The following WDR12 variants were observed in gnomAD, a reference collection of about 807,000 sequenced individuals.
WDR12 encodes ribosome biogenesis protein WDR12.
In WDR12, 42 loss-of-function variants were observed where a neutral mutation model predicts 64.3. The observed-to-expected ratio is 0.65, with a 90% CI of 0.51 to 0.84. The LOEUF (loss-of-function observed/expected upper bound fraction) is 0.84. WDR12 is among the 40% of genes least tolerant of loss of function. The pLI is 0.00. For missense variants in WDR12, 469 were observed against 494.6 expected, an observed-to-expected ratio of 0.95 and a Z score of 0.49; for synonymous variants, 158 against 173.3, an observed-to-expected ratio of 0.91 and a Z score of 0.70.
intron 2 of WDR12, among the ~76,000 whole-genome samples, chr2:202,903,445 AT>A (rs1688387067): frequency 9.0e-6 from 1 of 111,546 alleles, no homozygotes; most frequent in African/African-American, 3.2e-5. Flanking sequence ...GAGCAATCAG[AT>A]GGAAGGAAGG....
chr2:202,909,402 A>T (rs1434424116), intron 1 of WDR12, among the ~76,000 whole-genome samples: 1 of 152,208 alleles, frequency 6.6e-6, no homozygotes, highest in African/African-American at 2.4e-5. Context: ...ACCATTTTTT[A>T]AAAATCATAG....
At chr2:202,890,508 G>A (rs1047202969) in intron 8 of WDR12, among the ~76,000 whole-genome samples, 16 of 152,214 alleles carry the variant, frequency 1.1e-4, no homozygotes, top group African/African-American at 3.4e-4. Flanking sequence ...GGTGGCTCAC[G>A]CCTGTAATCC....
At chr2:202,887,209 C>G (rs116382857) in intron 8 of WDR12, among the ~76,000 whole-genome samples, 13,529 of 152,056 alleles carry the variant, frequency 0.089, 740 homozygotes, top group Non-Finnish European at 0.12. Context: ...ATTTTTAGTA[C>G]AGACGGGGTT....
intron 12 of WDR12, among the ~76,000 whole-genome samples, chr2:202,881,829 G>T (rs935106856): frequency 6.6e-6 from 1 of 151,742 alleles, no homozygotes; most frequent in Non-Finnish European, 1.5e-5. Flanking sequence ...ATTCCAGCCT[G>T]GGCAATAAAG....
intron 2 of WDR12, among the ~76,000 whole-genome samples, chr2:202,907,433 T>C (rs1212403625): frequency 1.3e-5 from 2 of 152,198 alleles, no homozygotes; most frequent in Admixed American, 6.5e-5. Flanking sequence ...CTGGTATTCA[T>C]ACTGTCATTT....
intron 12 of WDR12, 94 bp from the exon 13 acceptor site, chr2:202,881,031 T>A: frequency 8.8e-7 from 1 of 1,141,984 alleles, no homozygotes; most frequent in African/African-American, 1.6e-5. Flanking sequence ...TGATTTTCAT[T>A]ACAAAAGGAA....
At chr2:202,882,145 G>C (rs536442089) in intron 12 of WDR12, among the ~76,000 whole-genome samples, 21 of 152,092 alleles carry the variant, frequency 1.4e-4, no homozygotes, top group Non-Finnish European at 2.2e-4. Flanking sequence ...GCCTAGGCTG[G>C]TTTTGAACTC....
In WDR12 at chr2:202,907,443, T is replaced by C. The variant is rs187343415; in HGVS notation, c.136+422A>G. On this transcript the variant is annotated intron_variant, in intron 2 of 12. Transcript: ENST00000261015. ...AAATACTGGTATTCATACTGTCATT[T>C]TGATATTACACTAAACACTCAAATA... Among the ~76,000 whole-genome samples the C allele has an allele frequency of 4.3e-3, 655 of 152,360 alleles. 3 individuals carry two copies. The highest frequency in any genetic ancestry group is 6.9e-3 in the Non-Finnish European group (468 of 68,036).
Position 202,911,639 on chromosome 2 carries a change from T to C in WDR12, c.-163A>G, listed in dbSNP as rs1688663186. 2.9e-6 allele frequency: 2 copies of C among 679,152 alleles called. No individual in the cohort carries two copies. Among genetic ancestry groups the C allele is most frequent in the Non-Finnish European group, 5.3e-6 (2 of 376,762 alleles). 42.1% of individuals were successfully genotyped at this position (679,152 alleles called of 1,614,324 possible). A position where few individuals can be genotyped will look rare whatever the true frequency, so the allele number is the denominator to read the frequency against. The stretch of plus-strand genomic sequence containing the variant: ...CTGGACTCTGCCTTCTGCCCTCCGG[T>C]CTCCTCTGCAGAAAGCACGAGGTTG... On this transcript the variant is annotated 5_prime_UTR_variant, in exon 1 of 13. Coordinates refer to ENST00000261015, the MANE Select transcript of WDR12 (RefSeq NM_018256.4).
chr2:202,892,799 G>A (rs974839237), intron 7 of WDR12, 97 bp from the exon 8 acceptor site: 27 of 799,888 alleles, frequency 3.4e-5, no homozygotes, highest in African/African-American at 2.3e-4. Flanking sequence ...GTTTTTCCAC[G>A]TTATCACACA....
chr2:202,880,884 A>G lies in WDR12; in HGVS notation c.1248T>C (p.Pro416=). Residue 416 remains proline, a synonymous_variant, in exon 13 of 13, where the codon CCT becomes CCC. Coordinates refer to ENST00000261015, the MANE Select transcript of WDR12 (RefSeq NM_018256.4). ...TTCATGCCCCAACATGGGAAGTGGT[A>G]GGTGAATATCTGTAGGAATACAATT... ...DNKLYSYRYS[P]TTSHVGA is the part of the protein sequence containing the mutation. 1 of 1,610,496 alleles carries G rather than the reference A, an allele frequency of 6.2e-7. No individual in the cohort carries two copies. The highest frequency in any genetic ancestry group is 8.5e-7 in the Non-Finnish European group (1 of 1,178,262).
rs2105903302 is a variant in WDR12 at position 202,884,463 on chromosome 2, A to G, written c.814T>C (p.Cys272Arg). The change falls in exon 9 of 13, where the codon TGC becomes CGC. Residue 272 changes from cysteine to arginine, a missense_variant. Transcript: ENST00000261015. Reference sequence around the variant, plus strand: ...ATTGTATGGTCCCAAGATGCACTGCAGATTTCTTCAGCATCTGACCACAGA... The same window carrying G: ...ATTGTATGGTCCCAAGATGCACTGCGGATTTCTTCAGCATCTGACCACAGA... ...SVLWSDAEEI[C>R]SASWDHTIRV... is the part of the protein sequence containing the mutation. 1 of 1,614,252 alleles carries G rather than the reference A, an allele frequency of 6.2e-7. No individual in the cohort carries two copies. Among genetic ancestry groups the G allele is most frequent in the East Asian group, 2.2e-5 (1 of 44,890 alleles).
intron 8 of WDR12, among the ~76,000 whole-genome samples, chr2:202,888,077 T>C (rs1452759033): frequency 1.3e-5 from 2 of 152,142 alleles, no homozygotes; most frequent in African/African-American, 4.8e-5. Context: ...TCAAATATCC[T>C]TCAGCTGGTG....
In WDR12 at chr2:202,874,316, TTCTA is replaced by T. The variant is rs1220124512; in HGVS notation, c.*6540_*6543del. Among the ~76,000 whole-genome samples the T allele has an allele frequency of 6.6e-6, 1 of 152,222 alleles. No individual in the cohort carries two copies. The highest frequency in any genetic ancestry group is 2.4e-5 in the African/African-American group (1 of 41,452). On this transcript the variant is annotated 3_prime_UTR_variant, in exon 13 of 13. Transcript: ENST00000261015. Reference sequence around the variant, plus strand: ...GAACTGTTATTTAACTTTCTATCCTTTCTATCAACATATAATACACTTATACTAA... The same window carrying T: ...GAACTGTTATTTAACTTTCTATCCTTTCAACATATAATACACTTATACTAA...
chr2:202,883,820 A>AT (rs1303815930), intron 10 of WDR12, 79 bp from the exon 11 acceptor site: 29 of 1,266,198 alleles, frequency 2.3e-5, no homozygotes, highest in South Asian at 4.1e-5. Flanking sequence ...TATTTGTAGA[A>AT]ATTTTTTTTT....
intron 1 of WDR12, among the ~76,000 whole-genome samples, chr2:202,909,827 C>G (rs1027515598): frequency 2.0e-5 from 3 of 147,766 alleles, no homozygotes; most frequent in African/African-American, 7.3e-5. Context: ...TAGAGTCTCA[C>G]TATGTTCCCC....
chr2:202,907,783 A>G, intron 2 of WDR12, 82 bp downstream of exon 2: 3 of 1,124,234 alleles, frequency 2.7e-6, no homozygotes, highest in East Asian at 2.5e-5. Flanking sequence ...ACAGTATCAT[A>G]AGGCCAAAAA....
intron 1 of WDR12, among the ~76,000 whole-genome samples, chr2:202,909,943 G>A (rs1688536464): frequency 6.6e-6 from 1 of 151,948 alleles, no homozygotes; most frequent in African/African-American, 2.4e-5. Flanking sequence ...CCACAGGTGG[G>A]CACCACCATG....
intron 2 of WDR12, among the ~76,000 whole-genome samples, chr2:202,905,864 A>C (rs973120466): frequency 1.3e-5 from 2 of 152,210 alleles, no homozygotes; most frequent in Non-Finnish European, 2.9e-5. Context: ...GAGTTACCAG[A>C]CACTGAGAAG....
Sources: allele counts gnomAD v4.1 joint callset (sites outside exome capture counted in the v4.1 genomes callset), GRCh38; gene constraint gnomAD v4.1.1; transcripts MANE v1.5; gene names NCBI Gene and HGNC (gene_info 2026-07-23, HGNC 2026-07-21).